PXDNL: variants seen among roughly 807,000 people sequenced by gnomAD.
PXDNL encodes the protein peroxidasin like.
Under a neutral mutation model 150.8 loss-of-function variants are expected in PXDNL, and 145 were observed. The observed-to-expected ratio is 0.96, with a 90% CI of 0.84 to 1.10. The LOEUF (loss-of-function observed/expected upper bound fraction) is 1.10, where lower values mean the gene tolerates loss of function less well. Among genes scored for constraint, PXDNL ranks in the 50% least tolerant of loss-of-function variants. The pLI, the probability that PXDNL is intolerant of heterozygous loss-of-function variation, is 0.00. For synonymous variants in PXDNL, 757 were observed against 725.7 expected (o/e 1.04, Z -0.69); for missense variants, 2,087 against 1,873.9 (o/e 1.11, Z -2.10).
chr8:51,722,586 G>A (rs1397012576), intron 1 of PXDNL, among the ~76,000 whole-genome samples: 3 of 152,160 alleles, frequency 2.0e-5, no homozygotes, highest in Non-Finnish European at 4.4e-5. Flanking sequence ...CAGAGGGATG[G>A]ATAGGGAGCT....
At chr8:51,541,897 GT>G (rs1024807029) in intron 4 of PXDNL, among the ~76,000 whole-genome samples, 7 of 152,096 alleles carry the variant, frequency 4.6e-5, no homozygotes, top group African/African-American at 1.4e-4. Flanking sequence ...TTTTCTACGA[GT>G]TTTTTTAAGC....
chr8:51,382,908 C>A (rs1252931847), intron 17 of PXDNL, among the ~76,000 whole-genome samples: 1 of 152,080 alleles, frequency 6.6e-6, no homozygotes, highest in African/African-American at 2.4e-5. Context: ...AATTTCAGTT[C>A]TTCATCATTG....
chr8:51,512,353 T>G (rs974167834), intron 4 of PXDNL, among the ~76,000 whole-genome samples: 1 of 151,816 alleles, frequency 6.6e-6, no homozygotes, highest in Non-Finnish European at 1.5e-5. Context: ...TTCTAAGAAG[T>G]GAGAGAAGCA....
At chr8:51,535,284 G>A (rs1210819406) in intron 4 of PXDNL, among the ~76,000 whole-genome samples, 3 of 111,784 alleles carry the variant, frequency 2.7e-5, no homozygotes, top group South Asian at 6.2e-4. Flanking sequence ...AAGGCGGGAA[G>A]GGTGGGGAAA....
chr8:51,341,230 T>C (rs1014507724), intron 20 of PXDNL, among the ~76,000 whole-genome samples: 1 of 152,228 alleles, frequency 6.6e-6, no homozygotes, highest in East Asian at 1.9e-4. Flanking sequence ...ATAAGAGGTA[T>C]AACCTTGTAT....
intron 2 of PXDNL, among the ~76,000 whole-genome samples, chr8:51,609,451 G>C (rs1332858242): frequency 2.0e-5 from 3 of 152,124 alleles, no homozygotes; most frequent in African/African-American, 7.2e-5. Flanking sequence ...TGACCTTTGG[G>C]GCCACATAAT....
intron 19 of PXDNL, among the ~76,000 whole-genome samples, chr8:51,350,049 T>C (rs1463951857): frequency 1.3e-5 from 2 of 152,110 alleles, no homozygotes; most frequent in African/African-American, 4.8e-5. Flanking sequence ...ATACCCTGGT[T>C]CTTTATCTCT....
At chr8:51,379,548 A>T (rs1262799957) in intron 17 of PXDNL, among the ~76,000 whole-genome samples, 4 of 151,616 alleles carry the variant, frequency 2.6e-5, no homozygotes, top group Non-Finnish European at 4.4e-5. Flanking sequence ...ACTGTTAATT[A>T]TCTATATATT....
chr8:51,785,604 T>C (rs980375897), intron 1 of PXDNL, among the ~76,000 whole-genome samples: 33 of 152,212 alleles, frequency 2.2e-4, no homozygotes, highest in Non-Finnish European at 1.3e-4. Flanking sequence ...TAGTGGTCTG[T>C]GTTCAGTGAT....
intron 14 of PXDNL, among the ~76,000 whole-genome samples, chr8:51,418,859 C>T (rs1808870892): frequency 6.6e-6 from 1 of 152,084 alleles, no homozygotes; most frequent in African/African-American, 2.4e-5. Context: ...AAAGTTATTT[C>T]CAAACCTACG....
chr8:51,371,127 A>T (rs2012239613), intron 19 of PXDNL, among the ~76,000 whole-genome samples: 1 of 152,210 alleles, frequency 6.6e-6, no homozygotes, highest in South Asian at 2.1e-4. Context: ...ACCTGTGAAG[A>T]CGTCAGCATG....
At chr8:51,333,098 G>T (rs1415049460) in intron 21 of PXDNL, among the ~76,000 whole-genome samples, 2 of 152,152 alleles carry the variant, frequency 1.3e-5, no homozygotes, top group African/African-American at 4.8e-5. Flanking sequence ...GAAGCACCAG[G>T]TAACCTGTAA....
chr8:51,400,553 T>C (rs1301855072), intron 17 of PXDNL, among the ~76,000 whole-genome samples: 1 of 152,206 alleles, frequency 6.6e-6, no homozygotes, highest in Non-Finnish European at 1.5e-5. Context: ...GCTAGACAAA[T>C]AGAGCTGCAC....
At chr8:51,446,902 A>C (rs1038857984) in intron 12 of PXDNL, 102 bp downstream of exon 12, 1 of 873,812 alleles carries the variant, frequency 1.1e-6, no homozygotes, top group African/African-American at 1.7e-5. Flanking sequence ...GACTATATAT[A>C]TATATATAGT....
At chr8:51,391,699 T>C (rs931340649) in intron 17 of PXDNL, among the ~76,000 whole-genome samples, 10 of 152,182 alleles carry the variant, frequency 6.6e-5, no homozygotes, top group African/African-American at 2.4e-4. Flanking sequence ...GCCTGTTCAC[T>C]CTGATGGTAG....
intron 3 of PXDNL, among the ~76,000 whole-genome samples, chr8:51,584,895 T>C (rs1312220473): frequency 2.0e-5 from 3 of 152,048 alleles, no homozygotes; most frequent in Non-Finnish European, 4.4e-5. Flanking sequence ...AAGGGAAAGA[T>C]TTGGACAAAG....
At chr8:51,461,160 A>G (rs573845518) in intron 8 of PXDNL, among the ~76,000 whole-genome samples, 1 of 152,292 alleles carries the variant, frequency 6.6e-6, no homozygotes, top group African/African-American at 2.4e-5. Context: ...CCACCCTCCC[A>G]GGGTCTAGGC....
intron 3 of PXDNL, among the ~76,000 whole-genome samples, chr8:51,565,333 GATA>G (rs1563466638): frequency 1.5e-5 from 2 of 134,622 alleles, no homozygotes; most frequent in African/African-American, 6.8e-5. Flanking sequence ...TAGATAGATA[GATA>G]GATAGATAAA....
chr8:51,500,355 C>G (rs111481939), intron 4 of PXDNL, among the ~76,000 whole-genome samples: 1,811 of 152,306 alleles, frequency 0.012, 30 homozygotes, highest in African/African-American at 0.042. Flanking sequence ...CTCTGTGCAA[C>G]TGATCCAGGA....
Sources: gnomAD v4.1 joint callset for allele counts (sites outside exome capture counted in the v4.1 genomes callset) on GRCh38, gnomAD v4.1.1 for gene constraint, MANE v1.5 for transcripts, NCBI Gene and HGNC (gene_info 2026-07-23, HGNC 2026-07-21) for gene names.